The following CCDC81 variants were observed in gnomAD, a reference collection of about 807,000 sequenced individuals.
CCDC81 encodes the protein coiled-coil domain containing 81.
CCDC81 carries 79 observed loss-of-function variants against 83.7 expected under a neutral mutation model. That is an observed-to-expected ratio of 0.94 (90% CI 0.79 to 1.14). CCDC81 has a LOEUF of 1.14. Ranked by LOEUF, CCDC81 falls within the 50% of genes most tolerant of loss-of-function variation. The pLI is 0.00. For missense variants in CCDC81, 791 were observed against 778.1 expected, an observed-to-expected ratio of 1.02 and a Z score of -0.20; for synonymous variants, 252 against 278.1, an observed-to-expected ratio of 0.91 and a Z score of 0.93.
Position 86,412,370 on chromosome 11 carries a change from C to A in CCDC81, c.1219-17C>A. On this transcript the variant is annotated splice_polypyrimidine_tract_variant and intron_variant, in intron 10 of 14. Transcript: ENST00000445632. ...TCAGTACTCTAGCATAAATGAATTG[C>A]TTCTCTTTCATTCTAGAAATCCTTC... 6.4e-7 allele frequency: 1 copy of A among 1,556,158 alleles called. No homozygotes were observed. The highest frequency in any genetic ancestry group is 8.7e-7 in the Non-Finnish European group (1 of 1,151,794).
rs755576577 is a variant in CCDC81, at chr11:86,414,871, A to G, written c.1470+4A>G. 6 of 1,595,968 alleles carry G rather than the reference A, an allele frequency of 3.8e-6. No homozygotes were observed. Among genetic ancestry groups the G allele is most frequent in the South Asian group, 2.3e-5 (2 of 87,200 alleles). ...CAAGAGAGCTTTGGATGCACAGGTA[A>G]GGGGACAGACAAATATTATTTTTAA... On this transcript the variant is annotated splice_donor_region_variant and intron_variant, in intron 12 of 14. Transcript: ENST00000445632.
intron 7 of CCDC81, among the ~76,000 whole-genome samples, chr11:86,406,611 C>G (rs1948569764): frequency 6.6e-6 from 1 of 152,112 alleles, no homozygotes; most frequent in East Asian, 1.9e-4. Flanking sequence ...CCGAGACCAG[C>G]CTGACCAATA....
At chr11:86,418,766 C>T (rs990031889) in intron 13 of CCDC81, among the ~76,000 whole-genome samples, 1 of 151,912 alleles carries the variant, frequency 6.6e-6, no homozygotes, top group Admixed American at 6.6e-5. Flanking sequence ...AGTTTTGTAA[C>T]GTGAAGGCGT....
chr11:86,375,059 C>T lies in CCDC81; in HGVS notation c.-105C>T. 1 of 966,444 alleles carries T rather than the reference C, an allele frequency of 1.0e-6. No individual in the cohort carries two copies. The highest frequency in any genetic ancestry group is 1.7e-6 in the Non-Finnish European group (1 of 594,672). The allele number at this position is 966,444 out of a possible 1,614,324, so 59.9% of individuals were successfully genotyped here. On this transcript the variant is annotated 5_prime_UTR_variant, in exon 1 of 15. Transcript: ENST00000445632. ...TATTTTTAAGGCACATCCAAAGCTC[C>T]GTGGAGAAGGGGCTGGAGGGTGGGA...
At position 86,422,720 on chromosome 11, in the gene CCDC81, C is replaced by T; in HGVS notation, c.*5C>T. Reference sequence around the variant, plus strand: ...GGCTCCCGGTTGCTTGTGTAAAACTCAAAGTTTGGCTCTTCGTTTCCCGGG... The same window carrying T: ...GGCTCCCGGTTGCTTGTGTAAAACTTAAAGTTTGGCTCTTCGTTTCCCGGG... On this transcript the variant is annotated 3_prime_UTR_variant, in exon 15 of 15. Coordinates refer to ENST00000445632, the MANE Select transcript of CCDC81 (RefSeq NM_001156474.2). 1 of 1,610,192 alleles carries T rather than the reference C, an allele frequency of 6.2e-7. No homozygotes were observed. Among genetic ancestry groups the T allele is most frequent in the Non-Finnish European group, 8.5e-7 (1 of 1,177,120 alleles).
At chr11:86,413,539 C>G (rs1022420344) in intron 11 of CCDC81, among the ~76,000 whole-genome samples, 6 of 152,126 alleles carry the variant, frequency 3.9e-5, no homozygotes, top group African/African-American at 1.4e-4. Flanking sequence ...CCTTCTGTAT[C>G]AGTACCACAA....
In CCDC81 at chr11:86,375,319, CTTCCCAA is replaced by C. The variant is rs544546945; in HGVS notation, c.79+83_79+89del. The C allele has an allele frequency of 8.6e-4, 1,116 of 1,292,282 alleles. 12 individuals are homozygous for C. The African/African-American group carries it at 0.014, about 16-fold the overall frequency. The allele number at this position is 1,292,282 out of a possible 1,614,324, so 80.1% of individuals were successfully genotyped here. Reference sequence around the variant, plus strand: ...CTTGCAGGGGAGGCGGGGGGACCCACTTCCCAATTCCCTGGCTCAGGCCTGGCCTGCC... The same window carrying C: ...CTTGCAGGGGAGGCGGGGGGACCCACTTCCCTGGCTCAGGCCTGGCCTGCC... On this transcript the variant is annotated intron_variant, in intron 1 of 14. Transcript: ENST00000445632.
chr11:86,375,662 G>A (rs940722145), intron 1 of CCDC81, among the ~76,000 whole-genome samples: 2 of 152,118 alleles, frequency 1.3e-5, no homozygotes, highest in African/African-American at 4.8e-5. Flanking sequence ...TCATGCCGTT[G>A]TATTAAGAAA....
intron 9 of CCDC81, 29 bp downstream of exon 9, chr11:86,408,299 T>C: frequency 1.3e-6 from 2 of 1,585,270 alleles, no homozygotes; most frequent in Non-Finnish European, 1.7e-6. Flanking sequence ...TAGTCTTTAA[T>C]ATGGGGCAAT....
chr11:86,420,182 T>C, intron 14 of CCDC81, 129 bp downstream of exon 14: 2 of 1,016,976 alleles, frequency 2.0e-6, no homozygotes, highest in East Asian at 2.5e-5. Context: ...CTGTATTCCA[T>C]GGGAAATACT....
At chr11:86,396,244 T>A (rs1247605425) in intron 5 of CCDC81, among the ~76,000 whole-genome samples, 1 of 152,246 alleles carries the variant, frequency 6.6e-6, no homozygotes, top group Non-Finnish European at 1.5e-5. Context: ...TTATGTATTA[T>A]AATTCTCCAT....
chr11:86,396,852 C>G (rs1470874913), intron 5 of CCDC81, among the ~76,000 whole-genome samples: 1 of 152,140 alleles, frequency 6.6e-6, no homozygotes, highest in Non-Finnish European at 1.5e-5. Flanking sequence ...TGGCTGTTCC[C>G]TTTGACATAT....
chr11:86,394,512 C>T (rs148268967), intron 4 of CCDC81, among the ~76,000 whole-genome samples: 71 of 152,312 alleles, frequency 4.7e-4, no homozygotes, highest in African/African-American at 1.7e-3. Flanking sequence ...CTGTAAGACA[C>T]ATTTTGGAAA....
intron 7 of CCDC81, among the ~76,000 whole-genome samples, chr11:86,401,836 A>G (rs1161408916): frequency 1.3e-5 from 2 of 152,162 alleles, no homozygotes. Context: ...TGTTTCCTGT[A>G]GAAGTTAACC....
intron 6 of CCDC81, among the ~76,000 whole-genome samples, chr11:86,400,241 A>G (rs1161686484): frequency 6.6e-6 from 1 of 152,162 alleles, no homozygotes; most frequent in Non-Finnish European, 1.5e-5. Flanking sequence ...AGCACTTAGC[A>G]CTGTTAGCAC....
At chr11:86,396,455 G>C (rs1445959426) in intron 5 of CCDC81, among the ~76,000 whole-genome samples, 1 of 152,130 alleles carries the variant, frequency 6.6e-6, no homozygotes, top group African/African-American at 2.4e-5. Context: ...TTCAGGTGGA[G>C]GAAGTTTGGG....
chr11:86,385,908 T>A, intron 1 of CCDC81, 143 bp from the exon 2 acceptor site: 1 of 345,088 alleles, frequency 2.9e-6, no homozygotes, highest in Non-Finnish European at 5.4e-6. Flanking sequence ...AATGGCCTTG[T>A]TTTTTGTTAA....
chr11:86,379,071 C>A (rs1292583450), intron 1 of CCDC81, among the ~76,000 whole-genome samples: 1 of 151,172 alleles, frequency 6.6e-6, no homozygotes, highest in Non-Finnish European at 1.5e-5. Context: ...TTTACGATTC[C>A]ATTTTCTCCT....
intron 1 of CCDC81, among the ~76,000 whole-genome samples, chr11:86,385,064 T>C (rs1255859963): frequency 6.6e-6 from 1 of 152,228 alleles, no homozygotes; most frequent in African/African-American, 2.4e-5. Flanking sequence ...GTAAAGCTCC[T>C]TGTCCTACTC....
Sources: allele counts gnomAD v4.1 joint callset (sites outside exome capture counted in the v4.1 genomes callset), GRCh38; gene constraint gnomAD v4.1.1; transcripts MANE v1.5; gene names NCBI Gene and HGNC (gene_info 2026-07-23, HGNC 2026-07-21).